The following PRDM1 variants were observed in gnomAD, a reference collection of about 807,000 sequenced individuals.
The protein encoded by PRDM1 is PR/SET domain 1.
PRDM1 carries 13 observed loss-of-function variants against 62.8 expected under a neutral mutation model. The observed-to-expected ratio is 0.21, with a 90% CI of 0.13 to 0.33. The LOEUF (loss-of-function observed/expected upper bound fraction) is 0.33. PRDM1 is among the 10% of genes least tolerant of loss of function. The pLI, the probability that PRDM1 is intolerant of heterozygous loss-of-function variation, is 1.00. For missense variants in PRDM1, 895 were observed against 1,058.8 expected (o/e 0.85, Z 2.15); for synonymous variants, 396 against 417.6 (o/e 0.95, Z 0.63).
intron 1 of PRDM1, among the ~76,000 whole-genome samples, chr6:106,033,898 A>G (rs1772886666): frequency 6.6e-6 from 1 of 151,684 alleles, no homozygotes. Context: ...GAGATTTTTT[A>G]TTATTATTTT....
intron 1 of PRDM1, among the ~76,000 whole-genome samples, chr6:106,053,514 T>A (rs1773211811): frequency 6.6e-6 from 1 of 152,168 alleles, no homozygotes; most frequent in African/African-American, 2.4e-5. Flanking sequence ...ATCTATTATG[T>A]ATTCTAATAG....
intron 1 of PRDM1, among the ~76,000 whole-genome samples, chr6:106,002,830 T>C (rs1051812086): frequency 2.1e-4 from 32 of 152,202 alleles, no homozygotes; most frequent in African/African-American, 7.7e-4. Context: ...TTTTTCTCAA[T>C]TTTTCATCCT....
intron 2 of PRDM1, among the ~76,000 whole-genome samples, chr6:106,092,643 C>G (rs965791367): frequency 6.6e-6 from 1 of 152,194 alleles, no homozygotes. Flanking sequence ...GTCTAAGATG[C>G]ACATTCTGGA....
At chr6:106,079,407 C>T (rs758124869) in intron 1 of PRDM1, among the ~76,000 whole-genome samples, 2 of 152,216 alleles carry the variant, frequency 1.3e-5, no homozygotes, top group Non-Finnish European at 2.9e-5. Flanking sequence ...CTATCCCAAC[C>T]CCACCCAATG....
intron 3 of PRDM1, among the ~76,000 whole-genome samples, chr6:106,097,322 AC>A (rs765725807): frequency 8.5e-5 from 13 of 152,364 alleles, no homozygotes; most frequent in Non-Finnish European, 1.5e-4. Flanking sequence ...GGCAAGAAGT[AC>A]CTAAGAATCT....
Position 106,104,833 on chromosome 6 carries a change from C to G in PRDM1, c.673C>G (p.Gln225Glu). Residue 225 changes from glutamine (Q) to glutamate (E), a missense_variant, in exon 5 of 7, where the codon CAG becomes GAG. Gln to Glu is a conservative substitution (Grantham distance 29, BLOSUM62 2). Coordinates refer to ENST00000369096, the MANE Select transcript of PRDM1 (RefSeq NM_001198.4). The part of the protein sequence containing the change: ...ELTMMNLTQT[Q>E]SSLKQPSTEK... ...CTTTTTCTTTATTTCAGCACAAACA[C>G]AGAGCAGTCTAAAGCAACCGAGCAC... 3.1e-6 allele frequency: 5 copies of G among 1,612,122 alleles called. No homozygotes were observed. The highest frequency in any genetic ancestry group is 4.2e-6 in the Non-Finnish European group (5 of 1,179,396).
At chr6:106,036,731 G>A (rs558542502) in intron 1 of PRDM1, among the ~76,000 whole-genome samples, 38 of 152,136 alleles carry the variant, frequency 2.5e-4, no homozygotes, top group South Asian at 6.2e-4. Context: ...AGGCTGAGGC[G>A]GGCAGATCAC....
chr6:106,017,477 C>T (rs1169936057), intron 1 of PRDM1, among the ~76,000 whole-genome samples: 2 of 152,122 alleles, frequency 1.3e-5, no homozygotes, highest in Non-Finnish European at 2.9e-5. Flanking sequence ...TGTGAACTGG[C>T]CTTAGAGGGT....
At chr6:106,086,829 G>A (rs1226589037) in intron 1 of PRDM1, among the ~76,000 whole-genome samples, 1 of 152,090 alleles carries the variant, frequency 6.6e-6, no homozygotes, top group Non-Finnish European at 1.5e-5. Context: ...AGTGGTTCCA[G>A]CTCACACTCG....
intron 1 of PRDM1, among the ~76,000 whole-genome samples, chr6:106,052,843 C>T (rs1419230289): frequency 6.6e-6 from 1 of 151,948 alleles, no homozygotes; most frequent in East Asian, 1.9e-4. Flanking sequence ...TGGTGCACAC[C>T]TGTAGTCCTA....
chr6:106,059,245 G>A (rs1451723108), intron 1 of PRDM1, among the ~76,000 whole-genome samples: 1 of 152,162 alleles, frequency 6.6e-6, no homozygotes, highest in Non-Finnish European at 1.5e-5. Flanking sequence ...AACAGTGTAA[G>A]GGAATAGAGA....
chr6:106,037,564 C>T (rs764053859), intron 1 of PRDM1, among the ~76,000 whole-genome samples: 1 of 152,068 alleles, frequency 6.6e-6, no homozygotes, highest in African/African-American at 2.4e-5. Flanking sequence ...CTTTCTGTTT[C>T]TCAGACTCAA....
chr6:106,042,056 C>T (rs1773005169), intron 1 of PRDM1, among the ~76,000 whole-genome samples: 1 of 151,626 alleles, frequency 6.6e-6, no homozygotes, highest in African/African-American at 2.4e-5. Context: ...GATCTGCCCA[C>T]CTCAGCTGCC....
chr6:106,034,822 G>A (rs1772902700), intron 1 of PRDM1, among the ~76,000 whole-genome samples: 1 of 151,732 alleles, frequency 6.6e-6, no homozygotes, highest in Admixed American at 6.6e-5. Context: ...AGTAGAGACG[G>A]GGTTTCACTA....
intron 1 of PRDM1, among the ~76,000 whole-genome samples, chr6:106,019,453 A>C (rs1190051528): frequency 1.3e-5 from 2 of 151,690 alleles, no homozygotes; most frequent in African/African-American, 4.8e-5. Context: ...AATTAAAAAA[A>C]AAATAGAACT....
intron 1 of PRDM1, among the ~76,000 whole-genome samples, chr6:106,007,970 G>A (rs148273161): frequency 1.1e-4 from 17 of 152,290 alleles, no homozygotes; most frequent in East Asian, 7.7e-4. Context: ...AAAATGTACC[G>A]TTTTGATGAA....
intron 1 of PRDM1, among the ~76,000 whole-genome samples, chr6:106,056,989 G>A (rs967918351): frequency 2.0e-5 from 3 of 152,202 alleles, no homozygotes; most frequent in South Asian, 2.1e-4. Flanking sequence ...TATGACTTCA[G>A]CACTATACAT....
intron 1 of PRDM1, among the ~76,000 whole-genome samples, chr6:106,043,263 A>G (rs1773028830): frequency 6.6e-6 from 1 of 152,210 alleles, no homozygotes; most frequent in Non-Finnish European, 1.5e-5. Context: ...AACAATTGCC[A>G]TAATTGGTAT....
intron 1 of PRDM1, among the ~76,000 whole-genome samples, chr6:106,077,253 C>T (rs992204062): frequency 1.3e-5 from 2 of 152,222 alleles, no homozygotes; most frequent in Non-Finnish European, 2.9e-5. Flanking sequence ...ATTCATTCGG[C>T]ACACATTAAT....
Sources: allele counts gnomAD v4.1 joint callset (sites outside exome capture counted in the v4.1 genomes callset), GRCh38; gene constraint gnomAD v4.1.1; transcripts MANE v1.5; gene names NCBI Gene and HGNC (gene_info 2026-07-23, HGNC 2026-07-21).